The following AOAH variants were observed in gnomAD, a reference collection of about 807,000 sequenced individuals.
AOAH encodes acyloxyacyl hydrolase (neutrophil).
In AOAH, 64 loss-of-function variants were observed where a neutral mutation model predicts 92.2. The observed-to-expected ratio is 0.69, with a 90% confidence interval of 0.57 to 0.86. AOAH has a LOEUF of 0.86. Among genes scored for constraint, AOAH ranks in the 40% least tolerant of loss-of-function variants. The probability of loss-of-function intolerance (pLI) is 0.00; values close to 1 mark genes in which losing one functional copy is unlikely to be tolerated. For synonymous variants in AOAH, 263 were observed against 254.5 expected, an observed-to-expected ratio of 1.03 and a Z score of -0.32; for missense variants, 656 against 694.6, an observed-to-expected ratio of 0.94 and a Z score of 0.62.
At chr7:36,524,740 T>TA (rs1198034731) in intron 19 of AOAH, among the ~76,000 whole-genome samples, 1 of 143,468 alleles carries the variant, frequency 7.0e-6, no homozygotes, top group African/African-American at 2.5e-5. Flanking sequence ...TCGCTCACTC[T>TA]TTTTTTTTTT....
chr7:36,686,871 CGTGTGTGTGT>C, intron 1 of AOAH, 77 bp from the exon 2 acceptor site: 23 of 519,238 alleles, frequency 4.4e-5, no homozygotes, highest in African/African-American at 2.6e-4. Flanking sequence ...AGAAAGGATG[CGTGTGTGTGT>C]GTGTGTGTGT....
Position 36,674,568 on chromosome 7 carries a change from A to C in AOAH, c.224-559T>G, listed in dbSNP as rs141567028. Among the ~76,000 whole-genome samples, 749 of 152,320 alleles carry C rather than the reference A, an allele frequency of 4.9e-3. 11 individuals are homozygous for C. The East Asian group carries it at 0.056, about 11-fold the overall frequency. On this transcript the variant is annotated intron_variant, in intron 2 of 20. Transcript: ENST00000617537. ...ACACAAATACTCCTACTAACAACAT[A>C]ATCTCCCCTGACCTATGAGAGCACA...
intron 13 of AOAH, among the ~76,000 whole-genome samples, chr7:36,558,235 T>C (rs1422025529): frequency 6.6e-6 from 1 of 152,122 alleles, no homozygotes. Context: ...TCTGTTGGAG[T>C]TTGCTAGAAG....
intron 2 of AOAH, 109 bp from the exon 3 acceptor site, chr7:36,674,118 ATTAAT>A (rs1314623319): frequency 6.2e-6 from 4 of 644,462 alleles, no homozygotes; most frequent in African/African-American, 5.6e-5. Flanking sequence ...TTAATTTATG[ATTAAT>A]TTAATTTTAA....
chr7:36,557,576 G>A (rs1275444501), intron 13 of AOAH, among the ~76,000 whole-genome samples: 2 of 152,240 alleles, frequency 1.3e-5, no homozygotes, highest in Admixed American at 6.5e-5. Context: ...ATCCTGTAGA[G>A]TGTTTTCCAA....
chr7:36,721,982 A>G (rs577471976), intron 1 of AOAH, among the ~76,000 whole-genome samples: 2 of 152,266 alleles, frequency 1.3e-5, no homozygotes, highest in African/African-American at 4.8e-5. Context: ...CAAGATAGCC[A>G]TGTGTGGGCA....
chr7:36,621,121 G>A (rs1792249009), intron 8 of AOAH, among the ~76,000 whole-genome samples: 1 of 152,190 alleles, frequency 6.6e-6, no homozygotes, highest in Non-Finnish European at 1.5e-5. Flanking sequence ...GTGGAATGGT[G>A]CCGATGAACA....
chr7:36,658,575 A>G (rs1480220642), intron 4 of AOAH, among the ~76,000 whole-genome samples: 1 of 152,226 alleles, frequency 6.6e-6, no homozygotes, highest in Non-Finnish European at 1.5e-5. Flanking sequence ...ATCACTGAAT[A>G]ATAATGTTAT....
At chr7:36,699,213 G>A (rs1190132804) in intron 1 of AOAH, among the ~76,000 whole-genome samples, 1 of 152,048 alleles carries the variant, frequency 6.6e-6, no homozygotes, top group Non-Finnish European at 1.5e-5. Context: ...CCATTGATGG[G>A]CACTGAGGTT....
At position 36,550,542 on chromosome 7, in the gene AOAH, G is replaced by A. The variant is rs772044071; in HGVS notation, c.1022-1067C>T. Reference sequence around the variant, plus strand: ...CCCAAAGCCACACAGGTACTCATTCGAAGAACTGCAGTTCATACCAGTCCC... The same window carrying A: ...CCCAAAGCCACACAGGTACTCATTCAAAGAACTGCAGTTCATACCAGTCCC... On this transcript the variant is annotated intron_variant, in intron 13 of 20. Transcript: ENST00000617537. 5.9e-5 allele frequency among the ~76,000 whole-genome samples: 9 copies of A among 152,238 alleles called. No individual in the cohort carries two copies. In the East Asian group the frequency reaches 9.7e-4, roughly 16 times the overall value.
chr7:36,584,412 T>G (rs1222036840), intron 12 of AOAH, among the ~76,000 whole-genome samples: 1 of 152,228 alleles, frequency 6.6e-6, no homozygotes, highest in African/African-American at 2.4e-5. Context: ...GAGTGTTCAT[T>G]TACTTTGATT....
Position 36,689,557 on chromosome 7 carries a change from T to A in AOAH, c.128-2763A>T, listed in dbSNP as rs371401729. ...TGATGGGCCCCTGGTGAATAGAATATGATCTTTGTTCACAGGAAGCTCACA... is the reference window on the plus strand; with the variant it reads ...TGATGGGCCCCTGGTGAATAGAATAAGATCTTTGTTCACAGGAAGCTCACA... On this transcript the variant is annotated intron_variant, in intron 1 of 20. Transcript: ENST00000617537. Among the ~76,000 whole-genome samples, 4 of 152,226 alleles carry A rather than the reference T, an allele frequency of 2.6e-5. No homozygotes were observed. The South Asian group carries it at 8.3e-4, about 32-fold the overall frequency.
intron 5 of AOAH, among the ~76,000 whole-genome samples, chr7:36,637,382 A>G (rs1793593022): frequency 6.6e-6 from 1 of 152,136 alleles, no homozygotes; most frequent in African/African-American, 2.4e-5. Context: ...TTAAGGTCAC[A>G]TTTTTAGAAA....
intron 13 of AOAH, among the ~76,000 whole-genome samples, chr7:36,549,898 C>T (rs889075889): frequency 4.6e-5 from 7 of 152,104 alleles, no homozygotes; most frequent in Admixed American, 1.3e-4. Flanking sequence ...CTTGGAGAGC[C>T]CCATTTAATC....
In AOAH at chr7:36,671,396, T is replaced by C. The variant is rs1368338815; in HGVS notation, c.290+2547A>G. On this transcript the variant is annotated intron_variant, in intron 3 of 20. Transcript: ENST00000617537. ...TATAGTCAGTATTTTGCTAAGTACC[T>C]GCAGATAGATGCAAAGATGAATAAA... 2.0e-5 allele frequency among the ~76,000 whole-genome samples: 3 copies of C among 152,354 alleles called. No homozygotes were observed. The East Asian group carries it at 5.8e-4, about 29-fold the overall frequency.
rs10719526 is a variant in AOAH at position 36,692,454 on chromosome 7, A to AT, written c.128-5661dup. Among the ~76,000 whole-genome samples the AT allele has an allele frequency of 4.6e-4, 69 of 151,088 alleles. 1 individual carries two copies. The highest frequency in any genetic ancestry group is 1.8e-3 in the East Asian group (9 of 5,094). On this transcript the variant is annotated intron_variant, in intron 1 of 20. Coordinates refer to ENST00000617537, the MANE Select transcript of AOAH (RefSeq NM_001637.4). ...GCCTAACCTAACTACTACTTGAAAC[A>AT]TTTTTTTTTTATGAGAAAATGCTCA...
chr7:36,710,546 G>C (rs2116957890), intron 1 of AOAH, among the ~76,000 whole-genome samples: 1 of 152,298 alleles, frequency 6.6e-6, no homozygotes, highest in South Asian at 2.1e-4. Context: ...ACTCTGAGCA[G>C]GGAACTCAAT....
chr7:36,674,401 G>A (rs1796115052), intron 2 of AOAH, among the ~76,000 whole-genome samples: 1 of 152,134 alleles, frequency 6.6e-6, no homozygotes, highest in Non-Finnish European at 1.5e-5. Context: ...TGTTAGAAAT[G>A]GTCTTTTCTG....
chr7:36,604,564 A>G (rs1007386499), intron 11 of AOAH, among the ~76,000 whole-genome samples: 2 of 152,210 alleles, frequency 1.3e-5, no homozygotes, highest in African/African-American at 4.8e-5. Flanking sequence ...GGTGTGAGAA[A>G]GAAGTGATAT....
Sources: gnomAD v4.1 joint callset for allele counts (sites outside exome capture counted in the v4.1 genomes callset) on GRCh38, gnomAD v4.1.1 for gene constraint, MANE v1.5 for transcripts, NCBI Gene and HGNC (gene_info 2026-07-23, HGNC 2026-07-21) for gene names.